RANBP2: variants seen among roughly 807,000 people sequenced by gnomAD.
RANBP2 encodes the protein RAN binding protein 2, also known as E3 SUMO-protein ligase RanBP2.
A neutral mutation model predicts 303.6 loss-of-function variants in RANBP2; 57 were observed. The ratio of observed to expected loss-of-function variants is 0.19; its 90% CI spans 0.15 to 0.23. The LOEUF (loss-of-function observed/expected upper bound fraction) is 0.23. Ranked by LOEUF, RANBP2 falls within the 10% of genes least tolerant of loss-of-function variation. RANBP2 has a pLI of 1.00. For synonymous variants in RANBP2, 1,167 were observed against 1,301.5 expected (o/e 0.90, Z 2.23); for missense variants, 3,138 against 3,780.8 (o/e 0.83, Z 4.46).
intron 25 of RANBP2, 50 bp from the exon 26 acceptor site, chr2:108,781,219 A>C: frequency 1.3e-6 from 2 of 1,589,998 alleles, no homozygotes; most frequent in East Asian, 2.2e-5. Context: ...GGGGGATGAA[A>C]AATGTAAAAA....
At chr2:109,724,863 A>G in the RANBP2 span, among the ~76,000 whole-genome samples, 25 of 152,210 alleles carry the variant, frequency 1.6e-4, no homozygotes, top group African/African-American at 6.0e-4. Context: ...GCACGGAGGT[A>G]TGCCAGGCCA....
rs1694026547 is a variant in RANBP2 at position 108,719,485 on chromosome 2, G to A, written c.-122G>A. ...CCGGCTGCGCCGCAAGTTCGTCACA[G>A]TGGTCCTCCGCCGGCTACGGCGCTG... On this transcript the variant is annotated 5_prime_UTR_variant, in exon 1 of 29. In the 5' UTR this introduces an upstream ATG that the reference lacks. Transcript: ENST00000283195. The A allele has an allele frequency of 4.7e-6, 7 of 1,490,534 alleles. No homozygotes were observed. Among genetic ancestry groups the A allele is most frequent in the Admixed American group, 2.1e-5 (1 of 48,322 alleles). 92.3% of individuals were successfully genotyped at this position (1,490,534 alleles called of 1,614,324 possible). A position where few individuals can be genotyped will look rare whatever the true frequency, so the allele number is the denominator to read the frequency against.
the RANBP2 span, among the ~76,000 whole-genome samples, chr2:109,495,381 C>A: frequency 6.6e-6 from 1 of 151,314 alleles, no homozygotes; most frequent in Non-Finnish European, 1.5e-5. Flanking sequence ...CCTGGCTCTT[C>A]TGCACCTTGG....
chr2:109,576,404 A>T, the RANBP2 span, among the ~76,000 whole-genome samples: 20 of 152,194 alleles, frequency 1.3e-4, no homozygotes, highest in South Asian at 3.5e-3. Flanking sequence ...CGGCCTCAAA[A>T]AATGATATTT....
the RANBP2 span, among the ~76,000 whole-genome samples, chr2:109,395,979 C>A: frequency 2.6e-5 from 4 of 152,222 alleles, no homozygotes; most frequent in African/African-American, 9.6e-5. Context: ...CATTTGAGCC[C>A]AGCCTCAGCA....
At chr2:109,064,620 G>A in the RANBP2 span, among the ~76,000 whole-genome samples, 2 of 152,242 alleles carry the variant, frequency 1.3e-5, no homozygotes, top group Admixed American at 6.5e-5. Context: ...ACGGAAATTC[G>A]TTAAAAAGTG....
At chr2:109,714,740 T>C in the RANBP2 span, among the ~76,000 whole-genome samples, 3 of 150,192 alleles carry the variant, frequency 2.0e-5, no homozygotes, top group Non-Finnish European at 3.0e-5. Flanking sequence ...CTTTGAGTAG[T>C]TGGAGTTACA....
the RANBP2 span, among the ~76,000 whole-genome samples, chr2:109,251,945 A>G: frequency 1.3e-5 from 2 of 152,146 alleles, no homozygotes; most frequent in Admixed American, 6.5e-5. Flanking sequence ...CCCCAAATAA[A>G]ACAAGATAAA....
chr2:108,739,317 C>T (rs1205050122), intron 6 of RANBP2, among the ~76,000 whole-genome samples: 4 of 152,124 alleles, frequency 2.6e-5, no homozygotes, highest in Non-Finnish European at 5.9e-5. Flanking sequence ...GCAGAAGAAT[C>T]GCTTGAACCT....
At chr2:109,259,598 T>C in the RANBP2 span, among the ~76,000 whole-genome samples, 1 of 152,256 alleles carries the variant, frequency 6.6e-6, no homozygotes, top group African/African-American at 2.4e-5. Flanking sequence ...TTACCATGTT[T>C]GGGCGGCATG....
At chr2:109,522,594 G>A in the RANBP2 span, among the ~76,000 whole-genome samples, 4 of 101,722 alleles carry the variant, frequency 3.9e-5, no homozygotes, top group Admixed American at 1.2e-4. Context: ...ATGAGACACC[G>A]TGCCCAGCCT....
chr2:108,991,188 A>G, the RANBP2 span, among the ~76,000 whole-genome samples: 2 of 152,194 alleles, frequency 1.3e-5, no homozygotes, highest in African/African-American at 4.8e-5. Context: ...AAGGTTATGG[A>G]TGGTTATACT....
the RANBP2 span, among the ~76,000 whole-genome samples, chr2:109,601,721 T>C: frequency 6.6e-6 from 1 of 152,038 alleles, no homozygotes; most frequent in Non-Finnish European, 1.5e-5. Context: ...TTACGGCTTC[T>C]TCCTTAAATA....
At chr2:109,114,564 T>C in the RANBP2 span, among the ~76,000 whole-genome samples, 2 of 152,014 alleles carry the variant, frequency 1.3e-5, no homozygotes. Context: ...TCAATTTTGT[T>C]GATCCTTTCA....
chr2:109,035,021 C>A, the RANBP2 span, among the ~76,000 whole-genome samples: 2 of 152,270 alleles, frequency 1.3e-5, no homozygotes, highest in East Asian at 3.9e-4. Context: ...CCAGAGGACC[C>A]AGTGCTGGAG....
chr2:108,775,338 T>G (rs1272686143), intron 23 of RANBP2, among the ~76,000 whole-genome samples: 4 of 152,202 alleles, frequency 2.6e-5, no homozygotes, highest in African/African-American at 9.7e-5. Context: ...TCTTGGTGAA[T>G]GTCTTCTGTG....
chr2:108,812,939 T>C, the RANBP2 span: 2 of 1,611,388 alleles, frequency 1.2e-6, no homozygotes, highest in Admixed American at 3.3e-5. Flanking sequence ...TAAGTTTGAA[T>C]TATGATTTGA....
chr2:108,979,430 C>CTCTA, the RANBP2 span, among the ~76,000 whole-genome samples: 1 of 148,260 alleles, frequency 6.7e-6, no homozygotes, highest in Non-Finnish European at 1.5e-5. Context: ...CTGTCTCTCT[C>CTCTA]TCTCTTTCTC....
the RANBP2 span, chr2:109,737,388 T>G: frequency 3.0e-6 from 2 of 661,576 alleles, no homozygotes; most frequent in African/African-American, 1.8e-5. Context: ...CTTTGATCCT[T>G]TCTTGCAAAA....
Sources: gnomAD v4.1 joint callset for allele counts (sites outside exome capture counted in the v4.1 genomes callset) on GRCh38, gnomAD v4.1.1 for gene constraint, MANE v1.5 for transcripts, NCBI Gene and HGNC (gene_info 2026-07-23, HGNC 2026-07-21) for gene names.